The following RASSF5 variants were observed in gnomAD, a reference collection of about 807,000 sequenced individuals.
RASSF5 encodes the protein ras association domain-containing protein 5.
RASSF5 carries 25 observed loss-of-function variants against 40.5 expected under a neutral mutation model. The ratio of observed to expected loss-of-function variants is 0.62; its 90% CI spans 0.45 to 0.86. RASSF5 has a LOEUF of 0.86. RASSF5 is among the 40% of genes least tolerant of loss of function. The pLI, the probability that RASSF5 is intolerant of heterozygous loss-of-function variation, is 0.00. For synonymous variants in RASSF5, 246 were observed against 252.4 expected (o/e 0.97, Z 0.24); for missense variants, 521 against 572.8 (o/e 0.91, Z 0.92).
At chr1:206,534,770 T>G (rs1667335865) in intron 1 of RASSF5, among the ~76,000 whole-genome samples, 1 of 152,132 alleles carries the variant, frequency 6.6e-6, no homozygotes. Context: ...TTCTAATTCA[T>G]CCTCACCCTC....
chr1:206,523,650 TTATATAAAA>T (rs1385420090), intron 1 of RASSF5, among the ~76,000 whole-genome samples: 39 of 99,162 alleles, frequency 3.9e-4, no homozygotes, highest in Admixed American at 1.7e-3. Context: ...TATAATATAT[TTATATAAAA>T]TATATAAAAT....
chr1:206,554,144 C>T (rs1667920719), intron 2 of RASSF5, among the ~76,000 whole-genome samples: 1 of 152,184 alleles, frequency 6.6e-6, no homozygotes, highest in Non-Finnish European at 1.5e-5. Flanking sequence ...GGTTTTCAGC[C>T]TCTCTATATG....
Position 206,579,948 on chromosome 1 carries a change from G to C in RASSF5, c.580-3321G>C, listed in dbSNP as rs141878906. On this transcript the variant is annotated intron_variant, in intron 2 of 5. Transcript: ENST00000579436. This position sits in a 1 kb window ranked among gnomAD's most constrained non-coding sequence, Gnocchi z 4.2. ...GTGGGCAGCAGCCATCCCAGACCTGGGTGCTGGCATTCCATGGCTGTGACA... is the reference window on the plus strand; with the variant it reads ...GTGGGCAGCAGCCATCCCAGACCTGCGTGCTGGCATTCCATGGCTGTGACA... 1.5e-3 allele frequency among the ~76,000 whole-genome samples: 223 copies of C among 152,352 alleles called. 1 individual carries two copies. Among genetic ancestry groups the C allele is most frequent in the Middle Eastern group, 3.4e-3 (1 of 294 alleles).
At chr1:206,517,814 C>T (rs1309611528) in intron 1 of RASSF5, among the ~76,000 whole-genome samples, 2 of 152,322 alleles carry the variant, frequency 1.3e-5, no homozygotes, top group East Asian at 3.9e-4. Flanking sequence ...TCCGCTTCTG[C>T]TCAGGTATCT....
At chr1:206,536,100 G>T (rs149301541) in intron 1 of RASSF5, among the ~76,000 whole-genome samples, 6 of 152,190 alleles carry the variant, frequency 3.9e-5, no homozygotes, top group Non-Finnish European at 1.5e-5. Flanking sequence ...TGGGCACTGC[G>T]GGCAGAAGTT....
chr1:206,526,140 C>T lies in RASSF5; in HGVS notation c.458-12032C>T, dbSNP rs76888028. On this transcript the variant is annotated intron_variant, in intron 1 of 5. Transcript: ENST00000579436. ...TGGCTGTTCTCACAGAGACGACAGC[C>T]CCTGTGTGTCAGCTGCCCATCTTGC... Among the ~76,000 whole-genome samples the T allele has an allele frequency of 5.8e-3, 879 of 152,336 alleles. 8 individuals are homozygous for T. The highest frequency in any genetic ancestry group is 0.02 in the African/African-American group (813 of 41,568).
chr1:206,582,243 G>A (rs1006137538), intron 2 of RASSF5, among the ~76,000 whole-genome samples: 8 of 152,190 alleles, frequency 5.3e-5, no homozygotes, highest in African/African-American at 1.7e-4. Flanking sequence ...TCTCTACAAG[G>A]TGAGGGCCAT....
At chr1:206,521,794 G>A (rs919980056) in intron 1 of RASSF5, among the ~76,000 whole-genome samples, 19 of 152,182 alleles carry the variant, frequency 1.2e-4, no homozygotes, top group Non-Finnish European at 1.9e-4. Context: ...TCCTCCGTCT[G>A]TCTTCTCAGG....
chr1:206,569,501 A>C (rs782199974), intron 2 of RASSF5, among the ~76,000 whole-genome samples: 1 of 152,244 alleles, frequency 6.6e-6, no homozygotes, highest in South Asian at 2.1e-4. Context: ...CAAGGGAAGA[A>C]GCCTTGGCTG....
chr1:206,507,746 GC>G lies in RASSF5; in HGVS notation c.148del (p.Leu50SerfsTer116). On this transcript the variant is annotated frameshift_variant, in exon 1 of 6. Coordinates refer to ENST00000579436, the MANE Select transcript of RASSF5 (RefSeq NM_182663.4). LOFTEE classifies it high-confidence loss of function. ...GGTCCTCGCGCCTCTGTGTCCCGGC[GC>G]CCCTCTCCACTGCGCCCGGGGCGCG... The part of the protein sequence containing the change: ...DRSSRLCVPA[P>X]LSTAPGAREG... The G allele has an allele frequency of 6.8e-7, 1 of 1,466,398 alleles. No homozygotes were observed. Among genetic ancestry groups the G allele is most frequent in the Non-Finnish European group, 9.0e-7 (1 of 1,116,392 alleles). 90.8% of individuals were successfully genotyped at this position (1,466,398 alleles called of 1,614,324 possible). A position where few individuals can be genotyped will look rare whatever the true frequency, so the allele number is the denominator to read the frequency against.
In RASSF5 at chr1:206,588,377, C is replaced by G. The variant is rs1553408175; in HGVS notation, c.*1399C>G. On this transcript the variant is annotated 3_prime_UTR_variant, in exon 6 of 6. Transcript: ENST00000579436. ...TCCTGACTTACATTTGCACTGGCTT[C>G]TTGTTTAGGCTGAATCCTAAAATAA... The G allele has an allele frequency of 2.0e-5, 3 of 152,340 alleles. No individual in the cohort carries two copies. Among genetic ancestry groups the G allele is most frequent in the Non-Finnish European group, 4.4e-5 (3 of 68,048 alleles). 9.4% of individuals were successfully genotyped at this position (152,340 alleles called of 1,614,324 possible). A position where few individuals can be genotyped will look rare whatever the true frequency, so the allele number is the denominator to read the frequency against.
At chr1:206,557,654 T>C (rs1668027897) in intron 2 of RASSF5, 3 of 1,614,140 alleles carry the variant, frequency 1.9e-6, no homozygotes, top group African/African-American at 1.3e-5. Flanking sequence ...CTGCTAAGAC[T>C]ACCTTTTTCA....
chr1:206,551,620 T>C (rs1213880851), intron 2 of RASSF5, among the ~76,000 whole-genome samples: 1 of 152,198 alleles, frequency 6.6e-6, no homozygotes, highest in Non-Finnish European at 1.5e-5. Flanking sequence ...TGGAAATGCT[T>C]CCCAAAAAGG....
At chr1:206,550,220 T>C (rs782445298) in intron 2 of RASSF5, among the ~76,000 whole-genome samples, 12 of 152,174 alleles carry the variant, frequency 7.9e-5, no homozygotes, top group Non-Finnish European at 1.5e-4. Context: ...AACCACTGTT[T>C]CATTAGTTGT....
intron 1 of RASSF5, among the ~76,000 whole-genome samples, chr1:206,514,630 T>C (rs1666703227): frequency 6.6e-6 from 1 of 152,310 alleles, no homozygotes; most frequent in Non-Finnish European, 1.5e-5. Context: ...TGCTAGAAAA[T>C]TAAAACTTGG....
At position 206,584,282 on chromosome 1, in the gene RASSF5, A is replaced by C. The variant is rs2103571335; in HGVS notation, c.691-105A>C. Reference sequence around the variant, plus strand: ...CCCACGTCAGCAGAGGCAGGAAAGAACTCAAGGAGACAGGTGGGTGCTGCT... The same window carrying C: ...CCCACGTCAGCAGAGGCAGGAAAGACCTCAAGGAGACAGGTGGGTGCTGCT... On this transcript the variant is annotated intron_variant, in intron 3 of 5. Coordinates refer to ENST00000579436, the MANE Select transcript of RASSF5 (RefSeq NM_182663.4). This position sits in a 1 kb window ranked among gnomAD's most constrained non-coding sequence, Gnocchi z 4.9. The C allele has an allele frequency of 8.9e-7, 1 of 1,119,300 alleles. No individual in the cohort carries two copies. Among genetic ancestry groups the C allele is most frequent in the East Asian group, 2.5e-5 (1 of 39,526 alleles). The allele number at this position is 1,119,300 out of a possible 1,614,324, so 69.3% of individuals were successfully genotyped here.
At position 206,507,821 on chromosome 1, in the gene RASSF5, GC is replaced by G. The variant is rs1553394030; in HGVS notation, c.223del (p.Arg75GlyfsTer91). 1.4e-6 allele frequency: 2 copies of G among 1,410,898 alleles called. No homozygotes were observed. Among genetic ancestry groups the G allele is most frequent in the South Asian group, 1.5e-5 (1 of 65,534 alleles). The allele number at this position is 1,410,898 out of a possible 1,614,324, so 87.4% of individuals were successfully genotyped here. A position where few individuals can be genotyped will look rare whatever the true frequency, so the allele number is the denominator to read the frequency against. On this transcript the variant is annotated frameshift_variant, in exon 1 of 6. Coordinates refer to ENST00000579436, the MANE Select transcript of RASSF5 (RefSeq NM_182663.4). LOFTEE classifies it high-confidence loss of function. Reference protein sequence around the residue: ...RAARGNLEPPPRASRPARPLR... With the variant: ...RAARGNLEPPXRASRPARPLR... Reference sequence around the variant, plus strand: ...CTGCCCGGGGGAACCTGGAGCCCCCGCCCCGGGCCTCCCGACCCGCTCGCCC... The same window carrying G: ...CTGCCCGGGGGAACCTGGAGCCCCCGCCCGGGCCTCCCGACCCGCTCGCCC...
intron 2 of RASSF5, among the ~76,000 whole-genome samples, chr1:206,569,062 C>A (rs1453861103): frequency 3.9e-5 from 6 of 152,258 alleles, no homozygotes; most frequent in Non-Finnish European, 7.3e-5. Flanking sequence ...GAAGTCCCCA[C>A]TACCTGAACC....
chr1:206,561,840 G>T (rs1193739276), intron 2 of RASSF5, among the ~76,000 whole-genome samples: 3 of 143,780 alleles, frequency 2.1e-5, no homozygotes, highest in Admixed American at 6.9e-5. Context: ...TAAGTTTTGT[G>T]TTTTTTTTTT....
Sources: gnomAD v4.1 joint callset for allele counts (sites outside exome capture counted in the v4.1 genomes callset) on GRCh38, gnomAD v4.1.1 for gene constraint, Gnocchi (gnomAD v3.1) non-coding constraint, MANE v1.5 for transcripts, NCBI Gene and HGNC (gene_info 2026-07-23, HGNC 2026-07-21) for gene names.